The following EZR variants were observed in gnomAD, a reference collection of about 807,000 sequenced individuals.
The protein encoded by EZR is ezrin.
A neutral mutation model predicts 74.8 loss-of-function variants in EZR; 40 were observed. That is an observed-to-expected ratio of 0.53 (90% CI 0.42 to 0.70). The LOEUF (loss-of-function observed/expected upper bound fraction) is 0.70, where lower values mean the gene tolerates loss of function less well. Ranked by LOEUF, EZR falls within the 30% of genes least tolerant of loss-of-function variation. The pLI is 0.00. For missense variants in EZR, 678 were observed against 755.8 expected (o/e 0.90, Z 1.21); for synonymous variants, 341 against 283.3 (o/e 1.20, Z -2.05).
intron 3 of EZR, 29 bp from the exon 4 acceptor site, chr6:158,787,232 T>G: frequency 6.3e-7 from 1 of 1,584,252 alleles, no homozygotes; most frequent in Non-Finnish European, 8.7e-7. Context: ...GGCTCAACAC[T>G]CATGAGAAAC....
chr6:158,798,628 T>G (rs866580103), intron 2 of EZR, among the ~76,000 whole-genome samples: 14,730 of 145,086 alleles, frequency 0.1, 849 homozygotes, highest in Middle Eastern at 0.13. Context: ...TCCGCTTTTT[T>G]TTTTTTTTTT....
intron 8 of EZR, among the ~76,000 whole-genome samples, chr6:158,773,454 G>A (rs1012011192): frequency 6.6e-6 from 1 of 152,254 alleles, no homozygotes; most frequent in African/African-American, 2.4e-5. Flanking sequence ...GATGCAGGAT[G>A]CAGCTTCCTG....
At chr6:158,791,620 C>A (rs976076194) in intron 2 of EZR, among the ~76,000 whole-genome samples, 2 of 151,846 alleles carry the variant, frequency 1.3e-5, no homozygotes, top group African/African-American at 4.8e-5. Flanking sequence ...AAGTGGGAAC[C>A]CCAAGTACAA....
chr6:158,818,833 A>C, intron 1 of EZR, among the ~76,000 whole-genome samples: 1 of 6,762 alleles, frequency 1.5e-4, no homozygotes, highest in Admixed American at 2.1e-3. Flanking sequence ...GTCAGGGGAG[A>C]GGGGGCACAG....
intron 4 of EZR, 75 bp downstream of exon 4, chr6:158,787,033 G>C: frequency 1.7e-6 from 2 of 1,189,270 alleles, no homozygotes; most frequent in Non-Finnish European, 2.5e-6. Context: ...GACAGGGTGA[G>C]TTGCTCCAGT....
rs577074422 is a variant in EZR at position 158,814,205 on chromosome 6, T to A, written c.12+3877A>T. Among the ~76,000 whole-genome samples the A allele has an allele frequency of 7.9e-5, 12 of 151,792 alleles. No individual in the cohort carries two copies. In the South Asian group the frequency reaches 2.3e-3, roughly 29 times the overall value. ...GTCAGCCAGTCACACATGAATAGAG[T>A]CCCTAAGCAGCTGTGGGAAAAGCAA... is the stretch of plus-strand genomic sequence containing the variant. On this transcript the variant is annotated intron_variant, in intron 2 of 13. Transcript: ENST00000367075.
At chr6:158,805,801 G>C (rs1018360326) in intron 2 of EZR, among the ~76,000 whole-genome samples, 1 of 152,110 alleles carries the variant, frequency 6.6e-6, no homozygotes, top group Non-Finnish European at 1.5e-5. Context: ...AAAAGACATG[G>C]TGTACATTTT....
intron 2 of EZR, among the ~76,000 whole-genome samples, chr6:158,789,888 G>C (rs542199771): frequency 6.6e-5 from 10 of 152,336 alleles, no homozygotes; most frequent in African/African-American, 2.4e-4. Flanking sequence ...CCATAGTGCT[G>C]AGATTATAGG....
chr6:158,775,992 G>C (rs1244899169), intron 8 of EZR, among the ~76,000 whole-genome samples: 1 of 152,182 alleles, frequency 6.6e-6, no homozygotes, highest in Non-Finnish European at 1.5e-5. Context: ...ATGCTTGGGT[G>C]CAAGTCTGAC....
At chr6:158,803,596 TATATATATAC>T (rs1777255316) in intron 2 of EZR, among the ~76,000 whole-genome samples, 7 of 14,002 alleles carry the variant, frequency 5.0e-4, no homozygotes, top group South Asian at 4.8e-3. Flanking sequence ...TATATATATA[TATATATATAC>T]ATATATATAT....
At chr6:158,790,881 T>G (rs1791723899) in intron 2 of EZR, among the ~76,000 whole-genome samples, 1 of 152,130 alleles carries the variant, frequency 6.6e-6, no homozygotes, top group South Asian at 2.1e-4. Flanking sequence ...AATGCTTGCT[T>G]CTCACCATTT....
chr6:158,780,815 C>A (rs367720713), intron 7 of EZR, among the ~76,000 whole-genome samples: 1 of 152,196 alleles, frequency 6.6e-6, no homozygotes, highest in Non-Finnish European at 1.5e-5. Context: ...TGTTCACAAG[C>A]TTACAATGCC....
At position 158,804,816 on chromosome 6, in the gene EZR, GGTTA is replaced by G. The variant is rs562400830; in HGVS notation, c.12+13262_12+13265del. ...TTAGGGTACATGTGCACATTGTGCAGGTTAGTTACATATGTATACATGTGCCATG... is the reference window on the plus strand; with the variant it reads ...TTAGGGTACATGTGCACATTGTGCAGGTTACATATGTATACATGTGCCATG... On this transcript the variant is annotated intron_variant, in intron 2 of 13. Transcript: ENST00000367075. Among the ~76,000 whole-genome samples the G allele has an allele frequency of 7.3e-3, 1,093 of 150,472 alleles. 3 individuals carry two copies. Among genetic ancestry groups the G allele is most frequent in the Middle Eastern group, 0.031 (9 of 294 alleles).
intron 5 of EZR, 55 bp from the exon 6 acceptor site, chr6:158,784,782 A>G: frequency 6.8e-7 from 1 of 1,477,544 alleles, no homozygotes; most frequent in Non-Finnish European, 9.5e-7. Flanking sequence ...ACAGGCAAGG[A>G]AGGAGGCCCA....
intron 2 of EZR, among the ~76,000 whole-genome samples, chr6:158,811,341 TGAAA>T (rs1467461816): frequency 3.2e-5 from 2 of 61,562 alleles, no homozygotes; most frequent in African/African-American, 1.0e-4. Context: ...AGAATAGAGC[TGAAA>T]CATCTAACTA....
intron 2 of EZR, among the ~76,000 whole-genome samples, chr6:158,793,923 A>G (rs1432520452): frequency 6.6e-6 from 1 of 152,262 alleles, no homozygotes; most frequent in Non-Finnish European, 1.5e-5. Context: ...ACATTCACTG[A>G]GATGACAGGA....
At chr6:158,769,236 C>A in intron 12 of EZR, 90 bp downstream of exon 12, 1 of 1,128,062 alleles carries the variant, frequency 8.9e-7, no homozygotes. Context: ...GACCTCTCCC[C>A]CAACCCACCC....
chr6:158,818,816 G>A (rs562786742), intron 1 of EZR, among the ~76,000 whole-genome samples: 114 of 150,252 alleles, frequency 7.6e-4, no homozygotes, highest in African/African-American at 2.7e-3. Flanking sequence ...GCACCCGACA[G>A]GGAGGGGTCA....
At chr6:158,784,268 T>A (rs1791507373) in intron 6 of EZR, among the ~76,000 whole-genome samples, 1 of 152,224 alleles carries the variant, frequency 6.6e-6, no homozygotes, top group Admixed American at 6.5e-5. Context: ...CCTTTTTCAT[T>A]TATATACACT....
Sources: allele counts gnomAD v4.1 joint callset (sites outside exome capture counted in the v4.1 genomes callset), GRCh38; gene constraint gnomAD v4.1.1; transcripts MANE v1.5; gene names NCBI Gene and HGNC (gene_info 2026-07-23, HGNC 2026-07-21).